The following SLC35F1 variants were observed in gnomAD, a reference collection of about 807,000 sequenced individuals.
SLC35F1 encodes solute carrier family 35 member F1.
SLC35F1 carries 14 observed loss-of-function variants against 48.7 expected under a neutral mutation model. That is an observed-to-expected ratio of 0.29 (90% CI 0.19 to 0.45). The LOEUF (loss-of-function observed/expected upper bound fraction) is 0.45. Among genes scored for constraint, SLC35F1 ranks in the 20% least tolerant of loss-of-function variants. SLC35F1 has a pLI of 1.00. For synonymous variants in SLC35F1, 190 were observed against 202.2 expected, an observed-to-expected ratio of 0.94 and a Z score of 0.51; for missense variants, 404 against 500.0, an observed-to-expected ratio of 0.81 and a Z score of 1.83.
chr6:118,061,701 C>G (rs1381111818), intron 1 of SLC35F1, among the ~76,000 whole-genome samples: 1 of 151,882 alleles, frequency 6.6e-6, no homozygotes, highest in African/African-American at 2.4e-5. Context: ...TTTGTGGCAC[C>G]AGGGACTGGT....
chr6:117,946,569 T>C (rs997634043), intron 1 of SLC35F1, among the ~76,000 whole-genome samples: 1 of 152,204 alleles, frequency 6.6e-6, no homozygotes, highest in Admixed American at 6.5e-5. Context: ...ATCTAATATA[T>C]CTCTCTTTGA....
intron 2 of SLC35F1, among the ~76,000 whole-genome samples, chr6:118,175,701 G>C (rs1774477662): frequency 6.6e-6 from 1 of 151,990 alleles, no homozygotes; most frequent in Admixed American, 6.6e-5. Context: ...AGCAAATATG[G>C]CTGGCAATTT....
chr6:118,207,021 T>G (rs1026957828), intron 2 of SLC35F1, among the ~76,000 whole-genome samples: 3 of 152,216 alleles, frequency 2.0e-5, no homozygotes, highest in African/African-American at 7.2e-5. Flanking sequence ...AGGCTTCCTT[T>G]CCTTACCCTT....
At chr6:118,149,383 A>T (rs529196849) in intron 1 of SLC35F1, among the ~76,000 whole-genome samples, 79 of 152,352 alleles carry the variant, frequency 5.2e-4, no homozygotes, top group African/African-American at 1.9e-3. Context: ...TTTGTACAAC[A>T]CATCGCCAAA....
chr6:118,033,124 C>T (rs915893617), intron 1 of SLC35F1, among the ~76,000 whole-genome samples: 3 of 152,198 alleles, frequency 2.0e-5, no homozygotes, highest in Admixed American at 2.0e-4. Context: ...GGTAGGGCTT[C>T]CCTCCACCAA....
intron 2 of SLC35F1, among the ~76,000 whole-genome samples, chr6:118,195,876 G>A (rs1245667872): frequency 2.0e-5 from 3 of 152,152 alleles, no homozygotes; most frequent in East Asian, 3.9e-4. Flanking sequence ...GGTCCTGCGG[G>A]TACCTTGAGT....
chr6:118,298,547 T>C (rs1235407348), intron 7 of SLC35F1, among the ~76,000 whole-genome samples: 1 of 152,144 alleles, frequency 6.6e-6, no homozygotes, highest in Non-Finnish European at 1.5e-5. Flanking sequence ...TACATAATGG[T>C]TTCTATTCCT....
rs141192059 is a variant in SLC35F1, at chr6:117,933,538, G to T, written c.173+25639G>T. On this transcript the variant is annotated intron_variant, in intron 1 of 7. Transcript: ENST00000360388. The stretch of plus-strand genomic sequence containing the variant: ...AATATAAATCCACGTAAATTATTCA[G>T]AACACTGGTTAGAACTGCCCTCTGG... Among the ~76,000 whole-genome samples the T allele has an allele frequency of 3.9e-5, 6 of 152,254 alleles. No individual in the cohort carries two copies. The East Asian group carries it at 1.2e-3, about 29-fold the overall frequency.
At chr6:117,922,943 A>G (rs1222416614) in intron 1 of SLC35F1, among the ~76,000 whole-genome samples, 1 of 152,206 alleles carries the variant, frequency 6.6e-6, no homozygotes, top group Non-Finnish European at 1.5e-5. Flanking sequence ...CGGAGAACAC[A>G]TAAGCATGGA....
chr6:117,934,704 T>G (rs1051249541), intron 1 of SLC35F1, among the ~76,000 whole-genome samples: 8 of 152,198 alleles, frequency 5.3e-5, no homozygotes, highest in Non-Finnish European at 1.2e-4. Context: ...AATAAACTCT[T>G]TTCTGATATT....
At chr6:118,065,631 G>A (rs557149313) in intron 1 of SLC35F1, among the ~76,000 whole-genome samples, 2 of 152,196 alleles carry the variant, frequency 1.3e-5, no homozygotes, top group African/African-American at 4.8e-5. Context: ...ATCAAAAAAA[G>A]AAAAGATTGG....
chr6:118,052,302 A>C (rs1772403081), intron 1 of SLC35F1, among the ~76,000 whole-genome samples: 1 of 152,208 alleles, frequency 6.6e-6, no homozygotes, highest in African/African-American at 2.4e-5. Context: ...AACCACTAAA[A>C]GAATTTAAAA....
At chr6:118,258,636 C>T (rs979517467) in intron 3 of SLC35F1, among the ~76,000 whole-genome samples, 3 of 151,856 alleles carry the variant, frequency 2.0e-5, no homozygotes, top group African/African-American at 4.8e-5. Flanking sequence ...ACCAATTTGC[C>T]TTAGAAAACA....
At chr6:118,134,401 T>C (rs1319660530) in intron 1 of SLC35F1, among the ~76,000 whole-genome samples, 1 of 152,184 alleles carries the variant, frequency 6.6e-6, no homozygotes, top group African/African-American at 2.4e-5. Context: ...GAATTAGAAA[T>C]GTTGGCTGCT....
Position 118,023,367 on chromosome 6 carries a change from G to A in SLC35F1, c.173+115468G>A, listed in dbSNP as rs145113566. Among the ~76,000 whole-genome samples, 1,150 of 152,256 alleles carry A rather than the reference G, an allele frequency of 7.6e-3. 13 individuals carry two copies. The highest frequency in any genetic ancestry group is 0.024 in the Middle Eastern group (7 of 294). Reference sequence around the variant, plus strand: ...GAGACCCCTCTGAGAGTGTGGCCCTGTGTGGCTCCATAGGACCCAGGCCTG... The same window carrying A: ...GAGACCCCTCTGAGAGTGTGGCCCTATGTGGCTCCATAGGACCCAGGCCTG... On this transcript the variant is annotated intron_variant, in intron 1 of 7. Transcript: ENST00000360388.
intron 2 of SLC35F1, among the ~76,000 whole-genome samples, chr6:118,200,113 C>T (rs558819012): frequency 2.6e-4 from 39 of 152,202 alleles, no homozygotes; most frequent in Admixed American, 2.4e-3. Context: ...TTCACACTCT[C>T]ACCAGCAGCA....
At chr6:118,040,698 A>G (rs1376652836) in intron 1 of SLC35F1, among the ~76,000 whole-genome samples, 2 of 151,776 alleles carry the variant, frequency 1.3e-5, no homozygotes, top group Non-Finnish European at 2.9e-5. Flanking sequence ...ATCGTTTTAC[A>G]TATCATGCCC....
At chr6:118,267,186 C>T (rs1003363304) in intron 4 of SLC35F1, 32 bp downstream of exon 4, 80 of 1,612,238 alleles carry the variant, frequency 5.0e-5, no homozygotes, top group Admixed American at 3.7e-4. Context: ...AGGTTCCTTA[C>T]CTCTGCGGGT....
At chr6:117,965,449 C>A (rs1776549356) in intron 1 of SLC35F1, among the ~76,000 whole-genome samples, 1 of 152,200 alleles carries the variant, frequency 6.6e-6, no homozygotes, top group Non-Finnish European at 1.5e-5. Flanking sequence ...GGTGAGGCTG[C>A]TGCCAAAGCA....
Sources: allele counts gnomAD v4.1 joint callset (sites outside exome capture counted in the v4.1 genomes callset), GRCh38; gene constraint gnomAD v4.1.1; transcripts MANE v1.5; gene names NCBI Gene and HGNC (gene_info 2026-07-23, HGNC 2026-07-21).